Variants in CSMD1 observed in about 807,000 individuals in gnomAD.
CSMD1 encodes the protein CUB and Sushi multiple domains 1.
CSMD1 carries 213 observed loss-of-function variants against 417.5 expected under a neutral mutation model. That is an observed-to-expected ratio of 0.51 (90% CI 0.46 to 0.57). CSMD1 has a LOEUF of 0.57. CSMD1 is among the 20% of genes least tolerant of loss of function. The pLI, the probability that CSMD1 is intolerant of heterozygous loss-of-function variation, is 0.00. For missense variants in CSMD1, 6,923 were observed against 4,529.7 expected (o/e 1.53, Z -15.17); for synonymous variants, 2,862 against 1,736.8 (o/e 1.65, Z -16.11).
At chr8:4,771,178 G>A (rs117720005) in intron 1 of CSMD1, among the ~76,000 whole-genome samples, 1,574 of 152,272 alleles carry the variant, frequency 0.01, 11 homozygotes, top group East Asian at 0.051. Flanking sequence ...GAAGACTGAG[G>A]CCCAGAAATG....
chr8:4,175,465 G>T (rs543397812), intron 3 of CSMD1, among the ~76,000 whole-genome samples: 1 of 151,644 alleles, frequency 6.6e-6, no homozygotes, highest in African/African-American at 2.4e-5. Context: ...GATAGCAAAA[G>T]CATCCAAAAT....
chr8:3,321,567 C>T (rs1029993345), intron 23 of CSMD1, among the ~76,000 whole-genome samples: 19 of 152,142 alleles, frequency 1.2e-4, no homozygotes, highest in Admixed American at 7.2e-4. Context: ...CCTCCCTGAA[C>T]GCACGGGTAG....
intron 1 of CSMD1, among the ~76,000 whole-genome samples, chr8:4,682,609 G>C (rs1806120566): frequency 6.6e-6 from 1 of 151,930 alleles, no homozygotes; most frequent in Non-Finnish European, 1.5e-5. Flanking sequence ...ACACTCTAAG[G>C]ACATAGGCTT....
At chr8:4,119,798 T>C (rs1160362655) in intron 3 of CSMD1, among the ~76,000 whole-genome samples, 1 of 152,158 alleles carries the variant, frequency 6.6e-6, no homozygotes, top group African/African-American at 2.4e-5. Context: ...TAACAAAACG[T>C]TCTACGATGC....
chr8:4,690,419 C>T (rs1460357457), intron 1 of CSMD1, among the ~76,000 whole-genome samples: 1 of 152,032 alleles, frequency 6.6e-6, no homozygotes, highest in Non-Finnish European at 1.5e-5. Context: ...GAATATTCAA[C>T]AGCCAAAAAA....
At position 4,374,043 on chromosome 8, in the gene CSMD1, C is replaced by G. The variant is rs76286288; in HGVS notation, c.415+45910G>C. Among the ~76,000 whole-genome samples the G allele has an allele frequency of 2.0e-5, 3 of 152,136 alleles. No individual in the cohort carries two copies. In the East Asian group the frequency reaches 5.8e-4, roughly 29 times the overall value. ...AGAATTCTCAGTAAAAATACGTGATCAAATTGAACTTAAATAATATAATCA... is the reference window on the plus strand; with the variant it reads ...AGAATTCTCAGTAAAAATACGTGATGAAATTGAACTTAAATAATATAATCA... On this transcript the variant is annotated intron_variant, in intron 3 of 69. Transcript: ENST00000635120.
At chr8:3,977,097 A>G (rs1181496712) in intron 5 of CSMD1, among the ~76,000 whole-genome samples, 1 of 151,988 alleles carries the variant, frequency 6.6e-6, no homozygotes, top group Non-Finnish European at 1.5e-5. Flanking sequence ...CTTTCCTTTC[A>G]TCTTAATTTC....
intron 12 of CSMD1, among the ~76,000 whole-genome samples, chr8:3,447,924 T>G (rs979271290): frequency 1.3e-5 from 2 of 152,104 alleles, no homozygotes; most frequent in African/African-American, 4.8e-5. Context: ...TGGAAGCTAT[T>G]TTCTCTGTCA....
chr8:3,378,181 T>C (rs945591739), intron 18 of CSMD1, among the ~76,000 whole-genome samples: 3 of 152,110 alleles, frequency 2.0e-5, no homozygotes, highest in African/African-American at 4.8e-5. Context: ...GAGTAGAAAA[T>C]AGTCTTGGCT....
intron 41 of CSMD1, among the ~76,000 whole-genome samples, chr8:3,134,550 T>A (rs1481017501): frequency 6.6e-6 from 1 of 152,256 alleles, no homozygotes; most frequent in African/African-American, 2.4e-5. Context: ...GTGGCCGTTC[T>A]GCAGCTTAGG....
intron 5 of CSMD1, among the ~76,000 whole-genome samples, chr8:3,888,491 C>G (rs76339579): frequency 3.3e-5 from 5 of 152,164 alleles, no homozygotes. Context: ...TTATCATTAG[C>G]TCAAATGAAA....
At chr8:4,644,833 G>A (rs564277762) in intron 1 of CSMD1, among the ~76,000 whole-genome samples, 1 of 152,264 alleles carries the variant, frequency 6.6e-6, no homozygotes, top group East Asian at 1.9e-4. Flanking sequence ...ATAATGATTG[G>A]CTTGTTTATA....
At chr8:3,210,621 G>A (rs1484046528) in intron 30 of CSMD1, among the ~76,000 whole-genome samples, 1 of 146,710 alleles carries the variant, frequency 6.8e-6, no homozygotes, top group Admixed American at 6.9e-5. Context: ...TATATAGACA[G>A]GAATATATAT....
intron 3 of CSMD1, among the ~76,000 whole-genome samples, chr8:4,116,241 G>C (rs954237888): frequency 1.3e-5 from 2 of 151,892 alleles, no homozygotes; most frequent in Admixed American, 6.6e-5. Flanking sequence ...TGATCCACAA[G>C]CCTCAGCCTC....
chr8:3,071,304 G>A (rs1003636291), intron 49 of CSMD1, among the ~76,000 whole-genome samples: 1 of 152,086 alleles, frequency 6.6e-6, no homozygotes, highest in African/African-American at 2.4e-5. Flanking sequence ...TGAACAATGA[G>A]AACACATGGA....
chr8:4,757,603 T>C (rs2117078395), intron 1 of CSMD1, among the ~76,000 whole-genome samples: 1 of 152,300 alleles, frequency 6.6e-6, no homozygotes, highest in East Asian at 1.9e-4. Flanking sequence ...GACATATCTC[T>C]ACCAAGTTGG....
intron 1 of CSMD1, among the ~76,000 whole-genome samples, chr8:4,966,952 C>T (rs1003525329): frequency 3.3e-5 from 5 of 152,072 alleles, no homozygotes; most frequent in South Asian, 4.1e-4. Flanking sequence ...CCTTAGAGAA[C>T]GTTTGCTTTT....
At chr8:4,826,860 A>T (rs973935746) in intron 1 of CSMD1, among the ~76,000 whole-genome samples, 3 of 152,114 alleles carry the variant, frequency 2.0e-5, no homozygotes, top group African/African-American at 7.2e-5. Flanking sequence ...CAGCTGACGG[A>T]TAAGAAAAAC....
At chr8:3,617,222 T>C (rs924228008) in intron 7 of CSMD1, among the ~76,000 whole-genome samples, 2 of 152,216 alleles carry the variant, frequency 1.3e-5, no homozygotes, top group African/African-American at 4.8e-5. Context: ...ATACAAAAGA[T>C]ACTTTAAATA....
Sources: gnomAD v4.1 joint callset for allele counts (sites outside exome capture counted in the v4.1 genomes callset) on GRCh38, gnomAD v4.1.1 for gene constraint, MANE v1.5 for transcripts, NCBI Gene and HGNC (gene_info 2026-07-23, HGNC 2026-07-21) for gene names.